CHIC1: variants seen among roughly 807,000 people sequenced by gnomAD.
CHIC1 encodes cysteine rich hydrophobic domain 1.
In CHIC1, 7 loss-of-function variants were observed where a neutral mutation model predicts 18.5. The observed-to-expected ratio is 0.38, with a 90% CI of 0.22 to 0.71. The LOEUF is 0.71. Ranked by LOEUF, CHIC1 falls within the 30% of genes least tolerant of loss-of-function variation. The pLI is 0.49. For synonymous variants in CHIC1, 77 were observed against 73.5 expected, an observed-to-expected ratio of 1.05 and a Z score of -0.25; for missense variants, 159 against 176.9, an observed-to-expected ratio of 0.90 and a Z score of 0.57.
intron 3 of CHIC1, among the ~76,000 whole-genome samples, chrX:73,652,346 A>G (rs1195179331): frequency 3.6e-5 from 4 of 112,429 alleles, no homozygotes; most frequent in Non-Finnish European, 7.5e-5. Flanking sequence ...CATGACATAA[A>G]CACCAAAAGC....
At chrX:73,669,523 G>A (rs1195348245) in intron 3 of CHIC1, among the ~76,000 whole-genome samples, 4 of 98,033 alleles carry the variant, frequency 4.1e-5, no homozygotes, top group Non-Finnish European at 8.2e-5. Flanking sequence ...ACCACACTAT[G>A]TCTCAGGGAG....
intron 3 of CHIC1, among the ~76,000 whole-genome samples, chrX:73,642,682 G>T (rs1454063617): frequency 1.8e-5 from 2 of 110,516 alleles, no homozygotes; most frequent in African/African-American, 6.6e-5. Context: ...AATCCATCTT[G>T]AATTAATTTT....
intron 3 of CHIC1, among the ~76,000 whole-genome samples, chrX:73,662,219 C>G (rs2057984489): frequency 9.1e-6 from 1 of 109,439 alleles, no homozygotes; most frequent in African/African-American, 3.3e-5. Context: ...TTGCTTTTTA[C>G]TTAAAGGAAT....
rs749001051 is a variant in CHIC1 at position 73,599,801 on chromosome X, G to A, written c.507+15229G>A. On this transcript the variant is annotated intron_variant, in intron 3 of 5. Coordinates refer to ENST00000373502, the MANE Select transcript of CHIC1 (RefSeq NM_001039840.4). ...AGCTTTGTTCTTTTGGCTTAGGAGT[G>A]ACTTGGCAATGTGGGCTCTTTTTTG... Among the ~76,000 whole-genome samples, 749 of 107,713 alleles carry A rather than the reference G, an allele frequency of 7.0e-3. 78 individuals are homozygous for A. Among genetic ancestry groups the A allele is most frequent in the African/African-American group, 0.026 (709 of 27,520 alleles). The allele number at this position is 107,713 out of a possible 115,157, so 93.5% of individuals were successfully genotyped here. A position where few individuals can be genotyped will look rare whatever the true frequency, so the allele number is the denominator to read the frequency against.
chrX:73,609,050 G>A (rs1411582718), intron 3 of CHIC1, among the ~76,000 whole-genome samples: 1 of 105,905 alleles, frequency 9.4e-6, no homozygotes, highest in Non-Finnish European at 1.9e-5. Context: ...AGCTACTTGG[G>A]AAGCTGAGGC....
At chrX:73,619,651 G>A (rs1015901894) in intron 3 of CHIC1, among the ~76,000 whole-genome samples, 4 of 111,380 alleles carry the variant, frequency 3.6e-5, no homozygotes, top group African/African-American at 1.3e-4. Context: ...ATAAAAACAA[G>A]CAAGCAAAGA....
rs1603345320 is a variant in CHIC1 at position 73,629,010 on chromosome X, T to C, written c.507+44438T>C. On this transcript the variant is annotated intron_variant, in intron 3 of 5. Coordinates refer to ENST00000373502, the MANE Select transcript of CHIC1 (RefSeq NM_001039840.4). Reference sequence around the variant, plus strand: ...ACACTTGTTATCTTTTTTTAAATAATAGGCATCCTAATAGGTTTTAGGTAA... The same window carrying C: ...ACACTTGTTATCTTTTTTTAAATAACAGGCATCCTAATAGGTTTTAGGTAA... Among the ~76,000 whole-genome samples, 6 of 111,633 alleles carry C rather than the reference T, an allele frequency of 5.4e-5. No individual in the cohort carries two copies. The South Asian group carries it at 2.3e-3, about 42-fold the overall frequency.
chrX:73,573,351 T>G (rs146566227), intron 1 of CHIC1, among the ~76,000 whole-genome samples: 1 of 111,636 alleles, frequency 9.0e-6, no homozygotes, highest in Non-Finnish European at 1.9e-5. Context: ...ACCCTTGTAG[T>G]ATAGTTTGAA....
chrX:73,671,301 C>T (rs748674732), intron 3 of CHIC1, among the ~76,000 whole-genome samples: 5 of 111,865 alleles, frequency 4.5e-5, no homozygotes, highest in Non-Finnish European at 7.5e-5. Flanking sequence ...CTTTTGGAGT[C>T]TTTGAGCTTT....
At chrX:73,655,437 T>C (rs1434853486) in intron 3 of CHIC1, among the ~76,000 whole-genome samples, 1 of 54,240 alleles carries the variant, frequency 1.8e-5, no homozygotes, top group Non-Finnish European at 3.8e-5. Flanking sequence ...TGTGTGTATA[T>C]ATATACATAT....
intron 3 of CHIC1, among the ~76,000 whole-genome samples, chrX:73,664,541 A>C (rs1361179252): frequency 9.0e-6 from 1 of 111,094 alleles, no homozygotes; most frequent in Non-Finnish European, 1.9e-5. Flanking sequence ...CAGTTGCAAC[A>C]ATAAGATACC....
chrX:73,641,167 GTATT>G (rs781423189), intron 3 of CHIC1, among the ~76,000 whole-genome samples: 12 of 111,269 alleles, frequency 1.1e-4, no homozygotes, highest in African/African-American at 3.9e-4. Context: ...TATTTTCTCA[GTATT>G]TATTTCTGTT....
chrX:73,673,386 A>G (rs989229820), intron 3 of CHIC1, among the ~76,000 whole-genome samples: 7 of 111,643 alleles, frequency 6.3e-5, no homozygotes, highest in African/African-American at 2.0e-4. Context: ...ATGAGCATGG[A>G]ATGTTCTTCC....
intron 3 of CHIC1, among the ~76,000 whole-genome samples, chrX:73,655,508 A>G (rs1441627329): frequency 1.2e-5 from 1 of 82,063 alleles, no homozygotes; most frequent in Admixed American, 1.4e-4. Flanking sequence ...ATATATATAC[A>G]TATATACACA....
intron 3 of CHIC1, among the ~76,000 whole-genome samples, chrX:73,630,962 T>G (rs1274331172): frequency 1.8e-5 from 2 of 111,788 alleles, no homozygotes; most frequent in African/African-American, 6.5e-5. Flanking sequence ...ACGGTTAGTC[T>G]TGGTGTTTCT....
intron 3 of CHIC1, among the ~76,000 whole-genome samples, chrX:73,655,647 G>GTA (rs760718866): frequency 5.8e-5 from 2 of 34,546 alleles, no homozygotes; most frequent in African/African-American, 1.2e-4. Context: ...GTGTGTGTGT[G>GTA]TGTATATATA....
chrX:73,655,468 ATATATACATATATACACAATATTG>A (rs2057940096), intron 3 of CHIC1, among the ~76,000 whole-genome samples: 1 of 72,598 alleles, frequency 1.4e-5, no homozygotes, highest in African/African-American at 4.6e-5. Flanking sequence ...TTGTGTATAT[ATATATACATATATACACAATATTG>A]TGTATATATA....
intron 3 of CHIC1, among the ~76,000 whole-genome samples, chrX:73,622,690 GTTC>G (rs2057765808): frequency 9.0e-6 from 1 of 111,188 alleles, no homozygotes; most frequent in African/African-American, 3.3e-5. Context: ...GTCTCCTCCA[GTTC>G]TTCTCTGTTC....
intron 1 of CHIC1, among the ~76,000 whole-genome samples, chrX:73,573,768 A>G (rs947931157): frequency 3.6e-5 from 4 of 111,321 alleles, no homozygotes; most frequent in Non-Finnish European, 5.7e-5. Flanking sequence ...GACTTTTTAC[A>G]TTGATTTTAT....
Sources: gnomAD v4.1 joint callset for allele counts (sites outside exome capture counted in the v4.1 genomes callset) on GRCh38, gnomAD v4.1.1 for gene constraint, MANE v1.5 for transcripts, NCBI Gene and HGNC (gene_info 2026-07-23, HGNC 2026-07-21) for gene names.